Variants in AHCTF1 observed in about 807,000 individuals in gnomAD.
AHCTF1 encodes protein ELYS.
AHCTF1 carries 24 observed loss-of-function variants against 248.4 expected under a neutral mutation model. The ratio of observed to expected loss-of-function variants is 0.10; its 90% CI spans 0.07 to 0.14. AHCTF1 has a LOEUF of 0.14. Among genes scored for constraint, AHCTF1 ranks in the 10% least tolerant of loss-of-function variants. The pLI is 1.00. For missense variants in AHCTF1, 2,206 were observed against 2,636.2 expected (o/e 0.84, Z 3.57); for synonymous variants, 786 against 929.8 (o/e 0.85, Z 2.81).
chr1:246,894,549 GAA>G (rs1413042550), intron 14 of AHCTF1, 108 bp downstream of exon 14: 28 of 916,452 alleles, frequency 3.1e-5, no homozygotes, highest in African/African-American at 5.1e-5. Context: ...CTCAAAAAAA[GAA>G]AAGAGTTTAC....
chr1:246,917,732 A>G (rs574620859), intron 2 of AHCTF1, among the ~76,000 whole-genome samples: 1 of 152,374 alleles, frequency 6.6e-6, no homozygotes, highest in East Asian at 1.9e-4. Context: ...GTCTTCTGCA[A>G]TATCTTTCAT....
intron 4 of AHCTF1, among the ~76,000 whole-genome samples, chr1:246,908,485 T>C (rs778606984): frequency 6.6e-6 from 1 of 152,094 alleles, no homozygotes; most frequent in Non-Finnish European, 1.5e-5. Flanking sequence ...TCTGTAGACA[T>C]TGTGTTTCAG....
At position 246,931,931 on chromosome 1, in the gene AHCTF1, C is replaced by T. The variant is rs1428472692; in HGVS notation, c.-361G>A. ...AGCGCCGGCCCCGCTCTGCGCATTA[C>T]CCTGCGCCGACAAAACCGAGTTCCA... is the stretch of plus-strand genomic sequence containing the variant. On this transcript the variant is annotated 5_prime_UTR_variant, in exon 1 of 36. Transcript: ENST00000648844. The T allele has an allele frequency of 3.3e-5, 5 of 151,156 alleles. No homozygotes were observed. The highest frequency in any genetic ancestry group is 1.2e-4 in the African/African-American group (5 of 40,962). 9.4% of individuals were successfully genotyped at this position (151,156 alleles called of 1,614,324 possible).
chr1:246,907,267 T>TA (rs536877254), intron 5 of AHCTF1, among the ~76,000 whole-genome samples: 176 of 152,314 alleles, frequency 1.2e-3, no homozygotes, highest in African/African-American at 4.0e-3. Flanking sequence ...CAAAACGTTG[T>TA]AAAGTTACAA....
intron 17 of AHCTF1, among the ~76,000 whole-genome samples, chr1:246,889,620 TG>T (rs1296077519): frequency 6.6e-6 from 1 of 151,894 alleles, no homozygotes; most frequent in Non-Finnish European, 1.5e-5. Context: ...GATTCCCAGG[TG>T]ATTCAGGTGT....
rs187301522 is a variant in AHCTF1, at chr1:246,878,991, C to T, written c.2661-1689G>A. 2.4e-4 allele frequency among the ~76,000 whole-genome samples: 37 copies of T among 152,146 alleles called. No individual in the cohort carries two copies. The East Asian group carries it at 6.6e-3, about 27-fold the overall frequency. On this transcript the variant is annotated intron_variant, in intron 21 of 35. Transcript: ENST00000648844. ...AGAAATATAGTCATTTTTCCCTAAA[C>T]CAAAATCTAGAAACGTTAAAAGCAG...
In AHCTF1 at chr1:246,888,419, C is replaced by T. The variant is rs1410005596; in HGVS notation, c.2243G>A (p.Gly748Glu). The part of the protein sequence containing the change: ...KLWKRDEGGT[G>E]KYPPASLHAV... ...ATGCAGACTAGCAGGAGGATATTTT[C>T]CTGTGCCTCCTTCATCTCGTTTCCA... is the stretch of plus-strand genomic sequence containing the variant. The change falls in exon 18 of 36, where the codon GGA becomes GAA. Residue 748 changes from glycine to glutamate, a missense_variant. Physicochemically the swap from Gly to Glu is moderately conservative, Grantham distance 98. Transcript: ENST00000648844. 12 of 1,612,818 alleles carry T rather than the reference C, an allele frequency of 7.4e-6. No homozygotes were observed. The highest frequency in any genetic ancestry group is 5.0e-5 in the Admixed American group (3 of 60,012).
At chr1:246,924,616 A>G (rs1234841664) in intron 1 of AHCTF1, among the ~76,000 whole-genome samples, 2 of 152,096 alleles carry the variant, frequency 1.3e-5, no homozygotes, top group African/African-American at 4.8e-5. Context: ...CCTCCCCCAA[A>G]AAAATTTATG....
chr1:246,897,990 C>T (rs941221987), intron 12 of AHCTF1, among the ~76,000 whole-genome samples: 1 of 152,130 alleles, frequency 6.6e-6, no homozygotes. Context: ...CTGTATCCTT[C>T]TATACAGCTA....
intron 29 of AHCTF1, among the ~76,000 whole-genome samples, chr1:246,858,027 T>C (rs1661230595): frequency 6.6e-6 from 1 of 151,708 alleles, no homozygotes; most frequent in African/African-American, 2.4e-5. Flanking sequence ...TGGCGCTATC[T>C]TGGCTCACTG....
chr1:246,873,891 A>G (rs1433244993), intron 24 of AHCTF1, among the ~76,000 whole-genome samples: 1 of 152,178 alleles, frequency 6.6e-6, no homozygotes, highest in Non-Finnish European at 1.5e-5. Flanking sequence ...TATAAGTCCT[A>G]CTAAACTATT....
In AHCTF1 at chr1:246,916,159, C is replaced by T. The variant is rs866338201; in HGVS notation, c.358G>A (p.Val120Ile). The T allele has an allele frequency of 5.0e-6, 8 of 1,612,966 alleles. No individual in the cohort carries two copies. Among genetic ancestry groups the T allele is most frequent in the Middle Eastern group, 1.7e-4 (1 of 6,050 alleles). ...DLGISKVVKA[V>I]VLPGRVTAIE... is the part of the protein sequence containing the mutation. ...GTACCTACCCTTCCAGGAAGAACAA[C>T]TGCTTTAACTACTTTTGATATTCCA... is the stretch of plus-strand genomic sequence containing the variant. The change falls in exon 3 of 36, where the codon GTT (valine) becomes ATT (isoleucine). Residue 120 changes from valine to isoleucine, a missense_variant. By Grantham distance (29) the Val-to-Ile change is conservative. Transcript: ENST00000648844.
intron 1 of AHCTF1, among the ~76,000 whole-genome samples, chr1:246,924,488 A>T (rs1051927241): frequency 1.3e-5 from 2 of 151,988 alleles, no homozygotes; most frequent in African/African-American, 2.4e-5. Context: ...TATATATATA[A>T]AATAAAAATG....
chr1:246,890,716 T>C (rs984017459), intron 16 of AHCTF1, among the ~76,000 whole-genome samples: 7 of 152,142 alleles, frequency 4.6e-5, no homozygotes, highest in Admixed American at 4.6e-4. Flanking sequence ...TTTTCTCAAA[T>C]TTGCTTTCCT....
chr1:246,857,647 A>T, intron 30 of AHCTF1, 44 bp downstream of exon 30: 2 of 1,558,474 alleles, frequency 1.3e-6, no homozygotes, highest in Non-Finnish European at 1.7e-6. Context: ...TAATTTCATT[A>T]AACTTCTTTC....
chr1:246,868,983 T>C (rs556951238), intron 24 of AHCTF1, among the ~76,000 whole-genome samples: 31 of 143,188 alleles, frequency 2.2e-4, no homozygotes, highest in South Asian at 4.2e-4. Context: ...TAGCTGGGAC[T>C]ACAGGCGCCC....
intron 1 of AHCTF1, among the ~76,000 whole-genome samples, chr1:246,919,018 T>C (rs1666340642): frequency 6.6e-6 from 1 of 152,166 alleles, no homozygotes; most frequent in African/African-American, 2.4e-5. Flanking sequence ...ATAGAAATAA[T>C]ATAGGCATAA....
intron 34 of AHCTF1, among the ~76,000 whole-genome samples, chr1:246,843,480 A>G (rs911969239): frequency 3.9e-5 from 6 of 152,294 alleles, no homozygotes; most frequent in Admixed American, 3.9e-4. Context: ...ATTTCTTTAA[A>G]AAACACCCAG....
At chr1:246,861,905 G>A (rs61853995) in intron 28 of AHCTF1, 54 bp downstream of exon 28, 316,392 of 1,444,064 alleles carry the variant, frequency 0.22, 37,044 homozygotes, top group Admixed American at 0.36. Flanking sequence ...ACTTGTCAGA[G>A]CTAATACATT....
Sources: gnomAD v4.1 joint callset for allele counts (sites outside exome capture counted in the v4.1 genomes callset) on GRCh38, gnomAD v4.1.1 for gene constraint, MANE v1.5 for transcripts, NCBI Gene and HGNC (gene_info 2026-07-23, HGNC 2026-07-21) for gene names.